NPEPL1: variants seen among roughly 807,000 people sequenced by gnomAD.
NPEPL1 encodes the protein aminopeptidase like 1, also known as probable aminopeptidase NPEPL1.
Under a neutral mutation model 52.4 loss-of-function variants are expected in NPEPL1, and 45 were observed. The ratio of observed to expected loss-of-function variants is 0.86; its 90% CI spans 0.68 to 1.10. NPEPL1 has a LOEUF of 1.10. NPEPL1 is among the 50% of genes least tolerant of loss of function. The pLI is 0.00. For missense variants in NPEPL1, 696 were observed against 710.9 expected, an observed-to-expected ratio of 0.98 and a Z score of 0.24; for synonymous variants, 360 against 314.7, an observed-to-expected ratio of 1.14 and a Z score of -1.52.
intron 6 of NPEPL1, chr20:58,703,911 C>T (rs3746395): frequency 1.0e-6 from 1 of 984,960 alleles, no homozygotes; most frequent in Non-Finnish European, 1.2e-6. Context: ...CCGGGGTCCA[C>T]CTGGTCTGCA....
rs145875140 is a variant in NPEPL1 at position 58,705,602 on chromosome 20, C to T, written c.823-1521C>T. On this transcript the variant is annotated intron_variant, in intron 6 of 11. Transcript: ENST00000356091. The stretch of plus-strand genomic sequence containing the variant: ...TCAGCCCCGTGAAAAAGGCAGAGAC[C>T]GTCTTAAATCACTGCGAAAATGGTT... 5.6e-3 allele frequency: 2,521 copies of T among 447,834 alleles called. 19 individuals carry two copies. Among genetic ancestry groups the T allele is most frequent in the Non-Finnish European group, 7.8e-3 (1,731 of 222,048 alleles). 27.7% of individuals were successfully genotyped at this position (447,834 alleles called of 1,614,324 possible).
At chr20:58,709,196 C>A (rs2084790673) in intron 7 of NPEPL1, among the ~76,000 whole-genome samples, 1 of 151,662 alleles carries the variant, frequency 6.6e-6, no homozygotes. Context: ...GACAAAGATC[C>A]CCCTCCCACA....
Position 58,698,675 on chromosome 20 carries a change from T to C in NPEPL1, c.508-9T>C. ...ACCTGGTCCCCAGTGATGGCCTTTT[T>C]CTCCCTAGTGCTTAGCGAATGCCAC... On this transcript the variant is annotated splice_polypyrimidine_tract_variant and intron_variant, in intron 3 of 11. Coordinates refer to ENST00000356091, the MANE Select transcript of NPEPL1 (RefSeq NM_024663.4). 1 of 1,611,584 alleles carries C rather than the reference T, an allele frequency of 6.2e-7. No homozygotes were observed. The highest frequency in any genetic ancestry group is 8.5e-7 in the Non-Finnish European group (1 of 1,179,346).
intron 5 of NPEPL1, among the ~76,000 whole-genome samples, chr20:58,699,804 G>T (rs1485691249): frequency 6.6e-6 from 1 of 152,224 alleles, no homozygotes. Context: ...TGACTCAGCT[G>T]CCCCGTGGTG....
intron 7 of NPEPL1, among the ~76,000 whole-genome samples, chr20:58,708,750 G>A (rs973637426): frequency 6.6e-6 from 1 of 152,178 alleles, no homozygotes; most frequent in African/African-American, 2.4e-5. Context: ...CAGGCCCCGT[G>A]GCTTTGGCAG....
upstream of NPEPL1, chr20:58,691,995 G>C (rs2084358612): frequency 1.4e-4 from 89 of 632,530 alleles, 2 homozygotes; most frequent in South Asian, 1.6e-3. Context: ...CCACACCCCC[G>C]ATGGCCTTTC....
intron 7 of NPEPL1, among the ~76,000 whole-genome samples, chr20:58,708,765 G>A (rs1429865089): frequency 1.3e-5 from 2 of 152,244 alleles, no homozygotes; most frequent in South Asian, 4.2e-4. Context: ...TGGCAGATGG[G>A]CTCACCAGAA....
intron 3 of NPEPL1, among the ~76,000 whole-genome samples, chr20:58,694,848 G>A (rs573358971): frequency 1.2e-4 from 18 of 152,324 alleles, no homozygotes; most frequent in African/African-American, 3.8e-4. Flanking sequence ...TGCCAGGAAC[G>A]TCCATGCTGT....
intron 2 of NPEPL1, 128 bp from the exon 3 acceptor site, chr20:58,694,294 T>C (rs1043699373): frequency 2.6e-5 from 25 of 947,010 alleles, no homozygotes; most frequent in South Asian, 5.0e-5. Context: ...TGGCGGCTGC[T>C]GTGGGACATC....
Position 58,694,587 on chromosome 20 carries a change from T to C in NPEPL1, c.502T>C (p.Leu168=). The C allele has an allele frequency of 6.2e-7, 1 of 1,611,760 alleles. No individual in the cohort carries two copies. The highest frequency in any genetic ancestry group is 2.2e-5 in the East Asian group (1 of 44,766). Residue 168 remains leucine, a synonymous_variant, in exon 3 of 12, where the codon TTG becomes CTG. Coordinates refer to ENST00000356091, the MANE Select transcript of NPEPL1 (RefSeq NM_024663.4). ...QDNGPVEVST[L]QCLANATDGV... is the part of the protein sequence containing the mutation. Reference sequence around the variant, plus strand: ...CAACGGGCCGGTGGAGGTGTCCACATTGCAGGTGGGTGTCTGGAAGGGCAG... The same window carrying C: ...CAACGGGCCGGTGGAGGTGTCCACACTGCAGGTGGGTGTCTGGAAGGGCAG...
Position 58,713,450 on chromosome 20 carries a change from G to A in NPEPL1, c.1032G>A (p.Glu344=). The A allele has an allele frequency of 6.2e-7, 1 of 1,610,156 alleles. No homozygotes were observed. The highest frequency in any genetic ancestry group is 8.5e-7 in the Non-Finnish European group (1 of 1,178,480). The change falls in exon 9 of 12, where the codon GAG becomes GAA. Residue 344 remains glutamate (E), a synonymous_variant. Coordinates refer to ENST00000356091, the MANE Select transcript of NPEPL1 (RefSeq NM_024663.4). The surrounding 1 kb of genome is among the most constrained non-coding windows in gnomAD (Gnocchi z 4.6). The part of the protein sequence containing the change: ...KTVEINNTDA[E]GRLVLADGVS... Reference sequence around the variant, plus strand: ...TGGAAATCAACAACACGGATGCCGAGGGCAGGCTGGTGCTGGCAGATGGCG... The same window carrying A: ...TGGAAATCAACAACACGGATGCCGAAGGCAGGCTGGTGCTGGCAGATGGCG...
intron 7 of NPEPL1, among the ~76,000 whole-genome samples, chr20:58,707,886 C>G (rs560563241): frequency 6.6e-6 from 1 of 152,146 alleles, no homozygotes; most frequent in East Asian, 1.9e-4. Flanking sequence ...CAAGACTACC[C>G]ATAGCAACCT....
chr20:58,691,034 G>C (rs1279806118), upstream of NPEPL1: 1 of 699,506 alleles, frequency 1.4e-6, no homozygotes, highest in South Asian at 1.5e-5. Context: ...TTCCTCCCAG[G>C]ACTTCTCCCA....
At chr20:58,693,147 C>CGCCGG (rs2084389778) in intron 1 of NPEPL1, 97 bp downstream of exon 1, 2 of 862,448 alleles carry the variant, frequency 2.3e-6, no homozygotes, top group Non-Finnish European at 2.8e-6. Context: ...CCCCCGCCGC[C>CGCCGG]GCCGGGCCGG....
chr20:58,699,320 G>T (rs1323202487), intron 5 of NPEPL1, 42 bp downstream of exon 5: 1 of 1,493,702 alleles, frequency 6.7e-7, no homozygotes, highest in Admixed American at 2.0e-5. Flanking sequence ...GCCTCGGGCA[G>T]TGGCCAGGGG....
chr20:58,715,210 C>T lies in NPEPL1; in HGVS notation c.1456C>T (p.Leu486Phe). 6.2e-7 allele frequency: 1 copy of T among 1,608,258 alleles called. No homozygotes were observed. The highest frequency in any genetic ancestry group is 1.1e-5 in the South Asian group (1 of 90,146). Residue 486 changes from leucine (L) to phenylalanine (F), a missense_variant, in exon 12 of 12, where the codon CTC becomes TTC. By Grantham distance (22) the Leu-to-Phe change is conservative. Coordinates refer to ENST00000356091, the MANE Select transcript of NPEPL1 (RefSeq NM_024663.4). ...CTTCGGTGTGGCCCTCCTGCTGGCG[C>T]TCTTCGGCCGTGCCTCTGAGGACCC... The part of the protein sequence containing the change: ...TGFGVALLLA[L>F]FGRASEDPLL...
upstream of NPEPL1, chr20:58,692,126 G>A (rs188323914): frequency 2.9e-4 from 126 of 430,678 alleles, no homozygotes; most frequent in Non-Finnish European, 1.6e-4. The surrounding 1 kb of genome is among the most constrained non-coding windows in gnomAD (Gnocchi z 5.7). Flanking sequence ...TGGGCGGGAA[G>A]GCCCCCCATG....
rs1359037076 is a variant in NPEPL1, at chr20:58,712,495, T to A, written c.917T>A (p.Leu306His). ...TCCCTCCAGGGTTTCAAAGACAACC[T>A]CCACGCTGTGTTCTGCTTGGCTGAG... ...AAIKQGFKDN[L>H]HAVFCLAENS... The change falls in exon 8 of 12, where the codon CTC becomes CAC. Residue 306 changes from leucine (L) to histidine (H), a missense_variant. Transcript: ENST00000356091. The A allele has an allele frequency of 6.2e-7, 1 of 1,613,066 alleles. No individual in the cohort carries two copies.
intron 1 of NPEPL1, 23 bp downstream of exon 1, chr20:58,693,073 TGCGACC>T: frequency 9.9e-7 from 1 of 1,005,580 alleles, no homozygotes; most frequent in Non-Finnish European, 1.2e-6. Context: ...CCGGCCGCCA[TGCGACC>T]CGCGCCGCGG....
Sources: gnomAD v4.1 joint callset for allele counts (sites outside exome capture counted in the v4.1 genomes callset) on GRCh38, gnomAD v4.1.1 for gene constraint, Gnocchi (gnomAD v3.1) non-coding constraint, MANE v1.5 for transcripts, NCBI Gene and HGNC (gene_info 2026-07-23, HGNC 2026-07-21) for gene names.